The following FAM76A variants were observed in gnomAD, a reference collection of about 807,000 sequenced individuals.
FAM76A encodes protein FAM76A.
FAM76A carries 32 observed loss-of-function variants against 46.2 expected under a neutral mutation model. The observed-to-expected ratio is 0.69, with a 90% CI of 0.52 to 0.93. The LOEUF is 0.93. Among genes scored for constraint, FAM76A ranks in the 40% least tolerant of loss-of-function variants. The pLI, the probability that FAM76A is intolerant of heterozygous loss-of-function variation, is 0.00. For synonymous variants in FAM76A, 137 were observed against 127.0 expected (o/e 1.08, Z -0.53); for missense variants, 274 against 361.5 (o/e 0.76, Z 1.96).
chr1:27,736,512 G>A (rs919584740), intron 4 of FAM76A, among the ~76,000 whole-genome samples: 8 of 152,086 alleles, frequency 5.3e-5, no homozygotes, highest in Non-Finnish European at 7.4e-5. Context: ...CTCTTAGAAC[G>A]GAATCTGGTA....
chr1:27,731,182 T>G (rs1317465781), intron 2 of FAM76A, among the ~76,000 whole-genome samples: 1 of 150,146 alleles, frequency 6.7e-6, no homozygotes, highest in Non-Finnish European at 1.5e-5. Flanking sequence ...AGTGCTTAAC[T>G]CTTAGAGAAA....
intron 6 of FAM76A, among the ~76,000 whole-genome samples, chr1:27,751,978 G>A (rs1376806591): frequency 6.6e-6 from 1 of 151,634 alleles, no homozygotes; most frequent in Non-Finnish European, 1.5e-5. Context: ...TAATTTTTTT[G>A]TGTAGATGGG....
At chr1:27,759,297 T>C (rs943717920) in intron 7 of FAM76A, among the ~76,000 whole-genome samples, 1 of 152,164 alleles carries the variant, frequency 6.6e-6, no homozygotes, top group Admixed American at 6.6e-5. Context: ...CAGTAATTGG[T>C]AGCAACTATT....
chr1:27,740,475 T>A (rs542932582), intron 4 of FAM76A: 1 of 1,470,966 alleles, frequency 6.8e-7, no homozygotes, highest in African/African-American at 1.4e-5. Context: ...GATGGTGGAG[T>A]AGGTCCTGAC....
rs1292386651 is a variant in FAM76A at position 27,760,616 on chromosome 1, G to A, written c.*35G>A. 3 of 1,532,610 alleles carry A rather than the reference G, an allele frequency of 2.0e-6. No individual in the cohort carries two copies. The highest frequency in any genetic ancestry group is 2.7e-5 in the African/African-American group (2 of 72,970). The allele number at this position is 1,532,610 out of a possible 1,614,324, so 94.9% of individuals were successfully genotyped here. A position where few individuals can be genotyped will look rare whatever the true frequency, so the allele number is the denominator to read the frequency against. On this transcript the variant is annotated 3_prime_UTR_variant, in exon 9 of 9. Transcript: ENST00000373954. ...AGGAGGCTCCCTAGCAACAGCAAATGGAGTTGTCCAGGGTTAGGGTTGGAG... is the reference window on the plus strand; with the variant it reads ...AGGAGGCTCCCTAGCAACAGCAAATAGAGTTGTCCAGGGTTAGGGTTGGAG...
Position 27,734,011 on chromosome 1 carries a change from C to T in FAM76A, c.202-20C>T. On this transcript the variant is annotated intron_variant, in intron 3 of 8. Coordinates refer to ENST00000373954, the MANE Select transcript of FAM76A (RefSeq NM_152660.3). ...TTTTATGAAAGTAATACTTACTTGA[C>T]TCTTTTTTCCCCTTTTAAGCCCAAA... 6.3e-7 allele frequency: 1 copy of T among 1,596,692 alleles called. No homozygotes were observed. The highest frequency in any genetic ancestry group is 8.5e-7 in the Non-Finnish European group (1 of 1,175,770).
At chr1:27,758,460 A>G (rs890838499) in intron 7 of FAM76A, among the ~76,000 whole-genome samples, 1 of 152,190 alleles carries the variant, frequency 6.6e-6, no homozygotes, top group African/African-American at 2.4e-5. Flanking sequence ...GACAAGATGA[A>G]CACTTGTTTC....
intron 2 of FAM76A, 24 bp downstream of exon 2, chr1:27,727,560 G>C (rs1557772503): frequency 1.3e-6 from 2 of 1,582,840 alleles, no homozygotes; most frequent in Non-Finnish European, 1.7e-6. Flanking sequence ...GACCATGAAA[G>C]ATATTAATAG....
intron 2 of FAM76A, among the ~76,000 whole-genome samples, chr1:27,728,371 G>T (rs759870048): frequency 6.6e-6 from 1 of 151,788 alleles, no homozygotes; most frequent in Non-Finnish European, 1.5e-5. Flanking sequence ...TTTTTTGTTT[G>T]AAACAGAGTC....
At chr1:27,738,018 A>C (rs2088085141) in intron 4 of FAM76A, among the ~76,000 whole-genome samples, 1 of 151,814 alleles carries the variant, frequency 6.6e-6, no homozygotes, top group African/African-American at 2.4e-5. Flanking sequence ...ATACCACTGC[A>C]CTGCAATGTG....
chr1:27,752,639 G>A (rs570451278), intron 6 of FAM76A, among the ~76,000 whole-genome samples: 3 of 152,216 alleles, frequency 2.0e-5, no homozygotes, highest in African/African-American at 7.2e-5. Context: ...AATCTGTATA[G>A]CCTTTGAGGA....
chr1:27,760,314 C>T (rs2088483438), intron 8 of FAM76A, 181 bp from the exon 9 acceptor site: 3 of 479,642 alleles, frequency 6.3e-6, no homozygotes, highest in South Asian at 2.1e-5. Flanking sequence ...CTGGCAAATA[C>T]TTTTTTCTCC....
chr1:27,748,352 C>T (rs2088276515), intron 5 of FAM76A, among the ~76,000 whole-genome samples: 1 of 151,574 alleles, frequency 6.6e-6, no homozygotes, highest in Admixed American at 6.6e-5. Context: ...TGTCGATCTC[C>T]TGACCTCGTG....
chr1:27,750,232 A>G (rs915995379), intron 6 of FAM76A, among the ~76,000 whole-genome samples: 2 of 152,240 alleles, frequency 1.3e-5, no homozygotes, highest in South Asian at 4.1e-4. Context: ...GAGGGATACA[A>G]AACATTCTTT....
rs1463350571 is a variant in FAM76A, at chr1:27,732,677, A to T, written c.201+20A>T. 2.5e-6 allele frequency: 4 copies of T among 1,600,454 alleles called. No individual in the cohort carries two copies. The highest frequency in any genetic ancestry group is 3.4e-6 in the Non-Finnish European group (4 of 1,169,458). On this transcript the variant is annotated intron_variant, in intron 3 of 8. Coordinates refer to ENST00000373954, the MANE Select transcript of FAM76A (RefSeq NM_152660.3). Reference sequence around the variant, plus strand: ...GGAACGGTAAGTAGGATATTTTCAAACCTAACAGTGAGTACTAGGGTCTTG... The same window carrying T: ...GGAACGGTAAGTAGGATATTTTCAATCCTAACAGTGAGTACTAGGGTCTTG...
In FAM76A at chr1:27,760,698, G is replaced by T; in HGVS notation, c.*117G>T. ...CTTAAGAAATCTCTATTTTATTACA[G>T]TTATCCTTCTTTGTGCGATTGCAGT... On this transcript the variant is annotated 3_prime_UTR_variant, in exon 9 of 9. Transcript: ENST00000373954. 1 of 652,892 alleles carries T rather than the reference G, an allele frequency of 1.5e-6. No individual in the cohort carries two copies. Among genetic ancestry groups the T allele is most frequent in the South Asian group, 1.9e-5 (1 of 52,690 alleles). The allele number at this position is 652,892 out of a possible 1,614,324, so 40.4% of individuals were successfully genotyped here. A position where few individuals can be genotyped will look rare whatever the true frequency, so the allele number is the denominator to read the frequency against.
intron 2 of FAM76A, among the ~76,000 whole-genome samples, chr1:27,731,658 C>A (rs994083305): frequency 6.6e-6 from 1 of 152,172 alleles, no homozygotes; most frequent in Non-Finnish European, 1.5e-5. Context: ...TTTGTCACCT[C>A]AAATTTCCCA....
intron 5 of FAM76A, among the ~76,000 whole-genome samples, chr1:27,748,120 GTT>G (rs775627660): frequency 9.2e-6 from 1 of 108,362 alleles, no homozygotes; most frequent in Non-Finnish European, 1.8e-5. Context: ...TGTAAAAGAA[GTT>G]TTTTTTTTTT....
chr1:27,739,928 G>T (rs953073213), intron 4 of FAM76A: 2 of 222,564 alleles, frequency 9.0e-6, no homozygotes, highest in African/African-American at 2.3e-5. Context: ...GACTCATAGG[G>T]TAACTTACCC....
Sources: allele counts gnomAD v4.1 joint callset (sites outside exome capture counted in the v4.1 genomes callset), GRCh38; gene constraint gnomAD v4.1.1; transcripts MANE v1.5; gene names NCBI Gene and HGNC (gene_info 2026-07-23, HGNC 2026-07-21).